Variants in PSD3 observed in about 807,000 individuals in gnomAD.
The protein encoded by PSD3 is PH and SEC7 domain-containing protein 3.
A neutral mutation model predicts 105.5 loss-of-function variants in PSD3; 49 were observed. That is an observed-to-expected ratio of 0.46 (90% CI 0.37 to 0.59). The LOEUF is 0.59. Among genes scored for constraint, PSD3 ranks in the 20% least tolerant of loss-of-function variants. The probability of loss-of-function intolerance (pLI) is 0.00; values close to 1 mark genes in which losing one functional copy is unlikely to be tolerated. For missense variants in PSD3, 1,561 were observed against 1,263.8 expected (o/e 1.24, Z -3.57); for synonymous variants, 557 against 457.8 (o/e 1.22, Z -2.77).
Position 18,591,394 on chromosome 8 carries a change from A to T in PSD3, c.2481+8970T>A, listed in dbSNP as rs2465882. Among the ~76,000 whole-genome samples, 484 of 152,248 alleles carry T rather than the reference A, an allele frequency of 3.2e-3. 3 individuals are homozygous for T. The highest frequency in any genetic ancestry group is 0.011 in the African/African-American group (469 of 41,532). The stretch of plus-strand genomic sequence containing the variant: ...ACCTGGGCACTGCTAAGAACAAAGG[A>T]AAGTGGTGGGTGGTTCGCTGCAGTC... On this transcript the variant is annotated intron_variant, in intron 12 of 15. Coordinates refer to ENST00000327040, the MANE Select transcript of PSD3 (RefSeq NM_015310.4).
intron 8 of PSD3, among the ~76,000 whole-genome samples, chr8:18,785,427 C>T (rs1388378451): frequency 6.6e-6 from 1 of 152,116 alleles, no homozygotes; most frequent in Non-Finnish European, 1.5e-5. Flanking sequence ...CTGCAGCTTC[C>T]TCACCTCTCT....
intron 1 of PSD3, among the ~76,000 whole-genome samples, chr8:19,077,348 A>T (rs1829491597): frequency 6.6e-6 from 1 of 152,222 alleles, no homozygotes; most frequent in Non-Finnish European, 1.5e-5. Flanking sequence ...ACACATCCTG[A>T]AAATTTAAAG....
intron 4 of PSD3, among the ~76,000 whole-genome samples, chr8:18,810,631 C>A (rs149106531): frequency 6.6e-6 from 1 of 151,972 alleles, no homozygotes; most frequent in African/African-American, 2.4e-5. Flanking sequence ...CCTGTATGAC[C>A]CTGTATTTAT....
intron 1 of PSD3, among the ~76,000 whole-genome samples, chr8:18,984,995 G>A (rs767116766): frequency 3.9e-5 from 6 of 152,266 alleles, no homozygotes; most frequent in Middle Eastern, 3.4e-3. Context: ...GTACGGTAGC[G>A]TCATCTTGGA....
intron 9 of PSD3, 28 bp from the exon 10 acceptor site, chr8:18,655,713 T>G: frequency 6.2e-7 from 1 of 1,600,746 alleles, no homozygotes; most frequent in South Asian, 1.1e-5. Context: ...GAGATCACAT[T>G]ATTCTTTCCA....
At chr8:18,917,276 C>T (rs974072986) in intron 2 of PSD3, among the ~76,000 whole-genome samples, 2 of 152,104 alleles carry the variant, frequency 1.3e-5, no homozygotes, top group Non-Finnish European at 2.9e-5. Flanking sequence ...GATGGTTTAC[C>T]CCACTATCCA....
intron 1 of PSD3, among the ~76,000 whole-genome samples, chr8:19,024,890 G>C (rs1202145952): frequency 6.6e-6 from 1 of 152,056 alleles, no homozygotes; most frequent in Non-Finnish European, 1.5e-5. Context: ...CCGAGTTGTA[G>C]CTTTTATAAT....
chr8:19,018,746 G>C (rs567950479), intron 1 of PSD3, among the ~76,000 whole-genome samples: 2 of 152,314 alleles, frequency 1.3e-5, no homozygotes, highest in African/African-American at 4.8e-5. Flanking sequence ...AAGTGTGTCT[G>C]AACATCAAAA....
At chr8:18,643,468 T>G (rs1265589792) in intron 10 of PSD3, among the ~76,000 whole-genome samples, 2 of 152,196 alleles carry the variant, frequency 1.3e-5, no homozygotes, top group Non-Finnish European at 2.9e-5. Flanking sequence ...ACAGGTCAAT[T>G]TGAGGCATGA....
chr8:18,895,322 G>A (rs1000852265), intron 2 of PSD3, among the ~76,000 whole-genome samples: 1 of 152,182 alleles, frequency 6.6e-6, no homozygotes, highest in Non-Finnish European at 1.5e-5. Flanking sequence ...TCATGGTGGA[G>A]AATTCCTATT....
chr8:18,760,381 T>C (rs895934647), intron 9 of PSD3, among the ~76,000 whole-genome samples: 1 of 151,976 alleles, frequency 6.6e-6, no homozygotes, highest in African/African-American at 2.4e-5. Flanking sequence ...CGAAAGGAAA[T>C]TGTACCCTTT....
At chr8:18,801,729 C>T (rs1810708471) in intron 6 of PSD3, among the ~76,000 whole-genome samples, 1 of 152,204 alleles carries the variant, frequency 6.6e-6, no homozygotes, top group African/African-American at 2.4e-5. Flanking sequence ...ACTCAGGAAG[C>T]TGAGGCAGGA....
At chr8:18,712,722 C>T (rs932507929) in intron 9 of PSD3, among the ~76,000 whole-genome samples, 4 of 152,156 alleles carry the variant, frequency 2.6e-5, no homozygotes, top group Non-Finnish European at 5.9e-5. Context: ...GGAGCTAGTA[C>T]CATTTCATGC....
chr8:18,634,996 A>G (rs1419910590), intron 10 of PSD3, among the ~76,000 whole-genome samples: 1 of 152,168 alleles, frequency 6.6e-6, no homozygotes, highest in East Asian at 1.9e-4. Flanking sequence ...AGGTTCCCTC[A>G]TTTATTCTAC....
chr8:18,763,057 G>A (rs1392919724), intron 9 of PSD3: 3 of 517,162 alleles, frequency 5.8e-6, no homozygotes, highest in Non-Finnish European at 3.5e-6. Flanking sequence ...TTTAATAAAT[G>A]TTTCCAGCTA....
chr8:18,758,446 C>T (rs116150875), intron 9 of PSD3, among the ~76,000 whole-genome samples: 2,211 of 146,036 alleles, frequency 0.015, 68 homozygotes, highest in African/African-American at 0.055. Context: ...AGAATCATTA[C>T]AGCTTTTGCT....
At chr8:18,677,664 A>G (rs1800134398) in intron 9 of PSD3, among the ~76,000 whole-genome samples, 1 of 152,236 alleles carries the variant, frequency 6.6e-6, no homozygotes, top group Non-Finnish European at 1.5e-5. Context: ...TACGTCCCTG[A>G]AGAAGTCAGG....
chr8:18,555,350 A>G (rs927441432), intron 15 of PSD3, among the ~76,000 whole-genome samples: 2 of 152,132 alleles, frequency 1.3e-5, no homozygotes, highest in African/African-American at 4.8e-5. Context: ...AAAGGAGAGG[A>G]ACAATGAGAA....
chr8:18,909,579 A>T (rs1383652211), intron 2 of PSD3, among the ~76,000 whole-genome samples: 1 of 152,132 alleles, frequency 6.6e-6, no homozygotes, highest in Admixed American at 6.6e-5. Flanking sequence ...TCCTGGGCTC[A>T]AGCAATTCTC....
Sources: allele counts gnomAD v4.1 joint callset (sites outside exome capture counted in the v4.1 genomes callset), GRCh38; gene constraint gnomAD v4.1.1; transcripts MANE v1.5; gene names NCBI Gene and HGNC (gene_info 2026-07-23, HGNC 2026-07-21).